The following COL5A1 variants were observed in gnomAD, a reference collection of about 807,000 sequenced individuals.
The protein encoded by COL5A1 is collagen alpha-1(V) chain.
In COL5A1, 16 loss-of-function variants were observed where a neutral mutation model predicts 263.7. That is an observed-to-expected ratio of 0.06 (90% CI 0.04 to 0.09). The LOEUF is 0.09. COL5A1 is among the 10% of genes least tolerant of loss of function. The pLI is 1.00. For synonymous variants in COL5A1, 1,012 were observed against 1,004.5 expected (o/e 1.01, Z -0.14); for missense variants, 2,036 against 2,540.5 (o/e 0.80, Z 4.27).
In COL5A1 at chr9:134,641,906, A is replaced by C; in HGVS notation, c.-282A>C. ...CGGCGGCGAGGAGGAGGCGAGAAGG[A>C]GTTGGAGGAGGAGGAGGAGGAGGCG... On this transcript the variant is annotated 5_prime_UTR_variant, in exon 1 of 66. Transcript: ENST00000371817. The C allele has an allele frequency of 7.9e-6, 3 of 380,586 alleles. No individual in the cohort carries two copies. Among genetic ancestry groups the C allele is most frequent in the Non-Finnish European group, 4.6e-6 (1 of 215,468 alleles). 23.6% of individuals were successfully genotyped at this position (380,586 alleles called of 1,614,324 possible). A position where few individuals can be genotyped will look rare whatever the true frequency, so the allele number is the denominator to read the frequency against.
intron 1 of COL5A1, among the ~76,000 whole-genome samples, chr9:134,669,557 G>A (rs1340007740): frequency 1.3e-5 from 2 of 152,002 alleles, no homozygotes; most frequent in African/African-American, 4.8e-5. Flanking sequence ...ACTAGTTTCT[G>A]CAGTGCTTTG....
At chr9:134,819,185 G>C (rs1838892460) in intron 57 of COL5A1, 132 bp downstream of exon 57, 1 of 980,292 alleles carries the variant, frequency 1.0e-6, no homozygotes, top group Non-Finnish European at 1.6e-6. Context: ...TGGTGGTGGG[G>C]AACCTGAGGG....
rs541005176 is a variant in COL5A1 at position 134,755,764 on chromosome 9, C to T, written c.1828-1001C>T. Among the ~76,000 whole-genome samples, 44 of 152,282 alleles carry T rather than the reference C, an allele frequency of 2.9e-4. No homozygotes were observed. Among genetic ancestry groups the T allele is most frequent in the Non-Finnish European group, 4.3e-4 (29 of 68,022 alleles). ...TCTTTTTGGGGAGCAACGGGAGCAC[C>T]GACTGTCTCCTTGGGGTGTGTTTGG... is the stretch of plus-strand genomic sequence containing the variant. On this transcript the variant is annotated intron_variant, in intron 16 of 65. Coordinates refer to ENST00000371817, the MANE Select transcript of COL5A1 (RefSeq NM_000093.5). The surrounding 1 kb of genome is among the most constrained non-coding windows in gnomAD (Gnocchi z 4.1).
At chr9:134,773,217 C>G (rs762689849) in intron 26 of COL5A1, among the ~76,000 whole-genome samples, 1 of 152,216 alleles carries the variant, frequency 6.6e-6, no homozygotes, top group Non-Finnish European at 1.5e-5. Flanking sequence ...ACAGACCTAC[C>G]AGGTCACGCC....
intron 25 of COL5A1, among the ~76,000 whole-genome samples, chr9:134,769,635 C>T (rs1836802958): frequency 6.6e-6 from 1 of 152,164 alleles, no homozygotes; most frequent in Non-Finnish European, 1.5e-5. Flanking sequence ...CTGTGGTGTC[C>T]ATGGAGTATG....
At chr9:134,747,172 T>A (rs1355451257) in intron 11 of COL5A1, among the ~76,000 whole-genome samples, 3 of 152,352 alleles carry the variant, frequency 2.0e-5, no homozygotes, top group African/African-American at 7.2e-5. Context: ...TGTCTCCTTC[T>A]TCTAGGACTT....
chr9:134,778,432 C>T (rs562249865), intron 27 of COL5A1, among the ~76,000 whole-genome samples: 58 of 152,356 alleles, frequency 3.8e-4, no homozygotes, highest in Middle Eastern at 3.4e-3. Context: ...CCCTGGAATA[C>T]GCAAGCTGTG....
intron 16 of COL5A1, among the ~76,000 whole-genome samples, chr9:134,756,537 C>T (rs528013264): frequency 2.0e-5 from 3 of 152,298 alleles, no homozygotes; most frequent in East Asian, 3.9e-4. Context: ...TGACGTGGTC[C>T]GGAAAGACCA....
intron 41 of COL5A1, among the ~76,000 whole-genome samples, chr9:134,805,553 G>A (rs1158121729): frequency 1.3e-5 from 2 of 152,198 alleles, no homozygotes; most frequent in Non-Finnish European, 2.9e-5. Flanking sequence ...GCCAGCAGGG[G>A]AAGAAACAGA....
At chr9:134,737,982 C>T (rs1835163543) in intron 9 of COL5A1, among the ~76,000 whole-genome samples, 1 of 152,162 alleles carries the variant, frequency 6.6e-6, no homozygotes, top group Admixed American at 6.5e-5. Flanking sequence ...GAGGTTGCAG[C>T]CCTGGGGCCT....
intron 4 of COL5A1, among the ~76,000 whole-genome samples, chr9:134,703,480 A>C (rs1203602794): frequency 6.6e-6 from 1 of 152,078 alleles, no homozygotes; most frequent in African/African-American, 2.4e-5. Flanking sequence ...TCATTTGTAA[A>C]ACATTGGTCA....
chr9:134,686,947 G>T lies in COL5A1; in HGVS notation c.110-3965G>T, dbSNP rs1051626471. 6.6e-6 allele frequency among the ~76,000 whole-genome samples: 1 copy of T among 152,192 alleles called. No homozygotes were observed. Among genetic ancestry groups the T allele is most frequent in the Non-Finnish European group, 1.5e-5 (1 of 68,034 alleles). ...GGGAGCAAGCCACGATGGGGAAAGG[G>T]ATTGAATGCAGGGAGTCAGGTGGAT... On this transcript the variant is annotated intron_variant, in intron 1 of 65. Transcript: ENST00000371817. The surrounding 1 kb of genome is among the most constrained non-coding windows in gnomAD (Gnocchi z 4.6).
intron 19 of COL5A1, among the ~76,000 whole-genome samples, chr9:134,762,465 G>A (rs915474772): frequency 5.3e-5 from 8 of 151,628 alleles, no homozygotes; most frequent in African/African-American, 1.5e-4. Context: ...TGGCCATGGG[G>A]CCAGAGCACA....
In COL5A1 at chr9:134,785,914, C is replaced by T. The variant is rs536822985; in HGVS notation, c.2593-81C>T. 212 of 1,327,880 alleles carry T rather than the reference C, an allele frequency of 1.6e-4. 1 individual carries two copies. The highest frequency in any genetic ancestry group is 7.2e-4 in the Admixed American group (39 of 54,400). 82.3% of individuals were successfully genotyped at this position (1,327,880 alleles called of 1,614,324 possible). A position where few individuals can be genotyped will look rare whatever the true frequency, so the allele number is the denominator to read the frequency against. On this transcript the variant is annotated intron_variant, in intron 30 of 65. Transcript: ENST00000371817. ...ACCCTCCTCCAGGCCCCTGCCAGAA[C>T]GCATGTCCTTTCTCTCTGCTCCGGG...
chr9:134,788,673 A>ATGGATAGACAGATAGG (rs1837560149), intron 31 of COL5A1, among the ~76,000 whole-genome samples: 3 of 148,316 alleles, frequency 2.0e-5, no homozygotes, highest in Non-Finnish European at 3.0e-5. Flanking sequence ...AGACAGATAG[A>ATGGATAGACAGATAGG]TGGATAGACA....
intron 9 of COL5A1, among the ~76,000 whole-genome samples, chr9:134,737,981 G>T (rs1212545631): frequency 6.6e-6 from 1 of 152,184 alleles, no homozygotes; most frequent in African/African-American, 2.4e-5. Context: ...GGAGGTTGCA[G>T]CCCTGGGGCC....
In COL5A1 at chr9:134,658,345, G is replaced by C. The variant is rs76404508; in HGVS notation, c.109+16049G>C. On this transcript the variant is annotated intron_variant, in intron 1 of 65. Transcript: ENST00000371817. ...AGTGATAAAGGAAAGCAGCTCCGAA[G>C]TGCAGACACCCGCTCCCTCTTTCTT... 7.5e-3 allele frequency among the ~76,000 whole-genome samples: 1,144 copies of C among 152,288 alleles called. 12 individuals are homozygous for C. The highest frequency in any genetic ancestry group is 0.032 in the East Asian group (165 of 5,174).
intron 4 of COL5A1, among the ~76,000 whole-genome samples, chr9:134,713,352 C>G (rs1015283218): frequency 6.6e-6 from 1 of 152,222 alleles, no homozygotes; most frequent in African/African-American, 2.4e-5. Context: ...GAGCGCTCCT[C>G]CCTCCCAGTC....
At chr9:134,685,340 C>G (rs1833005033) in intron 1 of COL5A1, among the ~76,000 whole-genome samples, 1 of 151,420 alleles carries the variant, frequency 6.6e-6, no homozygotes, top group South Asian at 2.1e-4. Flanking sequence ...ATCTGTCCAT[C>G]CATCCATCCA....
Sources: gnomAD v4.1 joint callset for allele counts (sites outside exome capture counted in the v4.1 genomes callset) on GRCh38, gnomAD v4.1.1 for gene constraint, Gnocchi (gnomAD v3.1) non-coding constraint, MANE v1.5 for transcripts, NCBI Gene and HGNC (gene_info 2026-07-23, HGNC 2026-07-21) for gene names.